The following NWD2 variants were observed in gnomAD, a reference collection of about 807,000 sequenced individuals.
The protein encoded by NWD2 is NACHT and WD repeat domain-containing protein 2.
In NWD2, 37 loss-of-function variants were observed where a neutral mutation model predicts 132.7. The observed-to-expected ratio is 0.28, with a 90% CI of 0.21 to 0.37. The LOEUF (loss-of-function observed/expected upper bound fraction) is 0.37. Ranked by LOEUF, NWD2 falls within the 10% of genes least tolerant of loss-of-function variation. The pLI is 1.00. For synonymous variants in NWD2, 705 were observed against 803.0 expected, an observed-to-expected ratio of 0.88 and a Z score of 2.06; for missense variants, 1,592 against 2,122.4, an observed-to-expected ratio of 0.75 and a Z score of 4.91.
At chr4:37,323,141 C>A (rs916172152) in intron 1 of NWD2, among the ~76,000 whole-genome samples, 1 of 152,078 alleles carries the variant, frequency 6.6e-6, no homozygotes, top group African/African-American at 2.4e-5. Context: ...GGGTTGTGGT[C>A]AGCAGTGACT....
intron 1 of NWD2, among the ~76,000 whole-genome samples, chr4:37,289,173 G>A (rs1718307913): frequency 6.6e-6 from 1 of 152,102 alleles, no homozygotes; most frequent in Non-Finnish European, 1.5e-5. Context: ...TGCCTAAATA[G>A]TGTTGGATTT....
chr4:37,351,526 T>C (rs972188566), intron 2 of NWD2, among the ~76,000 whole-genome samples: 2 of 152,250 alleles, frequency 1.3e-5, no homozygotes, highest in African/African-American at 4.8e-5. Flanking sequence ...AATGTTGATA[T>C]CGCCTTTATC....
At chr4:37,245,802 G>T (rs1194746146) in intron 1 of NWD2, among the ~76,000 whole-genome samples, 1 of 152,114 alleles carries the variant, frequency 6.6e-6, no homozygotes, top group Non-Finnish European at 1.5e-5. Flanking sequence ...TCGCGGTGGG[G>T]CGCGCAGGAT....
rs57981065 is a variant in NWD2 at position 37,364,691 on chromosome 4, T to TACACACACACAC, written c.357+8232_357+8243dup. ...GTCAGAGCAGACTTCTACCTCCACT[T>TACACACACACAC]ACACACACACACACACACACACACA... is the stretch of plus-strand genomic sequence containing the variant. On this transcript the variant is annotated intron_variant, in intron 3 of 6. Transcript: ENST00000309447. Among the ~76,000 whole-genome samples, 1,094 of 146,660 alleles carry TACACACACACAC rather than the reference T, an allele frequency of 7.5e-3. 18 individuals carry two copies. Among genetic ancestry groups the TACACACACACAC allele is most frequent in the African/African-American group, 0.026 (1,021 of 39,478 alleles).
intron 1 of NWD2, among the ~76,000 whole-genome samples, chr4:37,248,811 T>C (rs918544478): frequency 6.6e-6 from 1 of 152,226 alleles, no homozygotes. Context: ...AATATCACTT[T>C]TATTACTGAT....
intron 3 of NWD2, among the ~76,000 whole-genome samples, chr4:37,430,044 G>GCT (rs1247639753): frequency 6.7e-6 from 1 of 149,856 alleles, no homozygotes; most frequent in African/African-American, 2.4e-5. Flanking sequence ...GAGAGAAAAT[G>GCT]CTCTCTTGTT....
chr4:37,279,165 T>C (rs2109267335), intron 1 of NWD2, among the ~76,000 whole-genome samples: 1 of 152,322 alleles, frequency 6.6e-6, no homozygotes, highest in Admixed American at 6.5e-5. Flanking sequence ...TCACCTTGCT[T>C]TATAGATTTC....
intron 1 of NWD2, among the ~76,000 whole-genome samples, chr4:37,322,387 A>G (rs1288480413): frequency 6.6e-6 from 1 of 152,192 alleles, no homozygotes; most frequent in African/African-American, 2.4e-5. Flanking sequence ...GTTGAATAAC[A>G]AGAAGTGCCA....
At chr4:37,255,828 A>G (rs1717506793) in intron 1 of NWD2, among the ~76,000 whole-genome samples, 1 of 152,078 alleles carries the variant, frequency 6.6e-6, no homozygotes, top group Non-Finnish European at 1.5e-5. Context: ...AATACTAAAC[A>G]TTTCCTGGTT....
intron 3 of NWD2, among the ~76,000 whole-genome samples, chr4:37,429,513 A>G (rs1317955269): frequency 3.2e-4 from 48 of 152,058 alleles, no homozygotes; most frequent in Admixed American, 2.9e-3. Flanking sequence ...ACGGGGTTTC[A>G]TCATGTTGGA....
chr4:37,417,135 A>G (rs1408446379), intron 3 of NWD2, among the ~76,000 whole-genome samples: 1 of 152,118 alleles, frequency 6.6e-6, no homozygotes, highest in Non-Finnish European at 1.5e-5. Context: ...TTTAGAATAT[A>G]TTTCTCTTAA....
intron 3 of NWD2, among the ~76,000 whole-genome samples, chr4:37,402,997 T>TGA (rs373710677): frequency 9.9e-5 from 15 of 151,534 alleles, no homozygotes; most frequent in East Asian, 5.8e-4. Flanking sequence ...ATTAATTCCC[T>TGA]GAGAGAGAGA....
At chr4:37,304,398 A>G (rs1257071526) in intron 1 of NWD2, among the ~76,000 whole-genome samples, 3 of 152,218 alleles carry the variant, frequency 2.0e-5, no homozygotes, top group Admixed American at 1.3e-4. Context: ...TCCTTCTCAC[A>G]TTGCAAAATA....
At chr4:37,316,340 G>A (rs1033625155) in intron 1 of NWD2, among the ~76,000 whole-genome samples, 15 of 151,884 alleles carry the variant, frequency 9.9e-5, no homozygotes, top group African/African-American at 2.7e-4. Context: ...CTTCTGATGA[G>A]AAGTCAGCTA....
At chr4:37,268,706 G>T (rs1717808730) in intron 1 of NWD2, among the ~76,000 whole-genome samples, 1 of 139,546 alleles carries the variant, frequency 7.2e-6, no homozygotes, top group South Asian at 2.3e-4. Context: ...GATAATTAGA[G>T]AAAAAAAGCA....
Position 37,267,659 on chromosome 4 carries a change from G to A in NWD2, c.151+22441G>A, listed in dbSNP as rs567193345. Among the ~76,000 whole-genome samples the A allele has an allele frequency of 7.9e-5, 12 of 151,950 alleles. No homozygotes were observed. The East Asian group carries it at 2.1e-3, about 27-fold the overall frequency. ...TTGAAATAATAGAAATCCTTTGACCGGTGTTTTTGAAGTACCTCTTGGTCT... is the reference window on the plus strand; with the variant it reads ...TTGAAATAATAGAAATCCTTTGACCAGTGTTTTTGAAGTACCTCTTGGTCT... On this transcript the variant is annotated intron_variant, in intron 1 of 6. Coordinates refer to ENST00000309447, the MANE Select transcript of NWD2 (RefSeq NM_001144990.2).
At chr4:37,400,372 G>A (rs889919640) in intron 3 of NWD2, among the ~76,000 whole-genome samples, 1 of 152,200 alleles carries the variant, frequency 6.6e-6, no homozygotes, top group South Asian at 2.1e-4. Context: ...GCCTGTGGCT[G>A]TTAACCAGCC....
intron 1 of NWD2, among the ~76,000 whole-genome samples, chr4:37,284,473 C>T (rs565468075): frequency 2.4e-4 from 37 of 152,310 alleles, no homozygotes; most frequent in Non-Finnish European, 4.4e-4. Flanking sequence ...CCCCAGGACC[C>T]CACAGCCCAT....
chr4:37,270,563 A>T (rs901915516), intron 1 of NWD2, among the ~76,000 whole-genome samples: 1 of 151,826 alleles, frequency 6.6e-6, no homozygotes, highest in South Asian at 2.1e-4. Context: ...CCTTCAACTG[A>T]AACATCCAGA....
Sources: gnomAD v4.1 joint callset for allele counts (sites outside exome capture counted in the v4.1 genomes callset) on GRCh38, gnomAD v4.1.1 for gene constraint, MANE v1.5 for transcripts, NCBI Gene and HGNC (gene_info 2026-07-23, HGNC 2026-07-21) for gene names.